DLGAP2: variants seen among roughly 807,000 people sequenced by gnomAD.
The protein encoded by DLGAP2 is disks large-associated protein 2.
DLGAP2 carries 26 observed loss-of-function variants against 100.3 expected under a neutral mutation model. The ratio of observed to expected loss-of-function variants is 0.26; its 90% CI spans 0.19 to 0.36. The LOEUF (loss-of-function observed/expected upper bound fraction) is 0.36, where lower values mean the gene tolerates loss of function less well. Among genes scored for constraint, DLGAP2 ranks in the 10% least tolerant of loss-of-function variants. The probability of loss-of-function intolerance (pLI) is 1.00; values close to 1 mark genes in which losing one functional copy is unlikely to be tolerated. For missense variants in DLGAP2, 1,858 were observed against 1,453.2 expected (o/e 1.28, Z -4.53); for synonymous variants, 886 against 630.1 (o/e 1.41, Z -6.08).
At chr8:1,019,751 A>C (rs961684974) in intron 2 of DLGAP2, 2 of 152,154 alleles carry the variant, frequency 1.3e-5, no homozygotes, top group African/African-American at 4.8e-5. Context: ...AGGTGTACCC[A>C]CTTCTGCCCT....
At chr8:833,158 G>A (rs774669632) in intron 1 of DLGAP2, among the ~76,000 whole-genome samples, 4 of 152,298 alleles carry the variant, frequency 2.6e-5, no homozygotes, top group African/African-American at 9.6e-5. Context: ...GATTAAGGCC[G>A]ATGTCTGAGA....
chr8:1,100,137 G>C (rs117891488), intron 2 of DLGAP2, among the ~76,000 whole-genome samples: 13,167 of 147,150 alleles, frequency 0.089, 529 homozygotes, highest in East Asian at 0.19. Flanking sequence ...GTAGGGAAAA[G>C]CTTTGTCCAG....
chr8:963,848 GATGACATTTAAAATTTTTGTGCA>G (rs1375712869), intron 2 of DLGAP2, among the ~76,000 whole-genome samples: 1 of 152,158 alleles, frequency 6.6e-6, no homozygotes, highest in Non-Finnish European at 1.5e-5. Flanking sequence ...TTGACAGCGG[GATGACATTTAAAATTTTTGTGCA>G]ATTAATACAA....
At chr8:1,645,577 A>G (rs1055007978) in intron 8 of DLGAP2, among the ~76,000 whole-genome samples, 1 of 152,240 alleles carries the variant, frequency 6.6e-6, no homozygotes, top group African/African-American at 2.4e-5. Flanking sequence ...AATATGGACT[A>G]TATGGAGTCA....
At chr8:980,369 C>CAA (rs1800294665) in intron 2 of DLGAP2, among the ~76,000 whole-genome samples, 1 of 152,180 alleles carries the variant, frequency 6.6e-6, no homozygotes. Context: ...ATTGCAAAAG[C>CAA]TCAGCAGTGC....
At chr8:1,174,972 G>T (rs1280965387) in intron 2 of DLGAP2, among the ~76,000 whole-genome samples, 2 of 151,838 alleles carry the variant, frequency 1.3e-5, no homozygotes, top group Non-Finnish European at 2.9e-5. Context: ...CCCCTTTCTA[G>T]TTCCCCCAAG....
chr8:1,339,231 C>T (rs1334013724), intron 3 of DLGAP2, among the ~76,000 whole-genome samples: 27 of 95,076 alleles, frequency 2.8e-4, no homozygotes, highest in Admixed American at 6.5e-4. Context: ...CGTCAGGACC[C>T]GGGAGGGAAT....
At chr8:1,280,887 C>A (rs1799801221) in intron 3 of DLGAP2, among the ~76,000 whole-genome samples, 1 of 152,206 alleles carries the variant, frequency 6.6e-6, no homozygotes, top group Non-Finnish European at 1.5e-5. Context: ...ATCACATTCA[C>A]CTATTACATG....
chr8:1,556,860 C>G (rs1439425784), intron 5 of DLGAP2, among the ~76,000 whole-genome samples: 1 of 152,220 alleles, frequency 6.6e-6, no homozygotes, highest in African/African-American at 2.4e-5. Context: ...ATTTGAGCAG[C>G]ATCGCGAAGA....
chr8:1,105,792 A>AG (rs1804740893), intron 2 of DLGAP2, among the ~76,000 whole-genome samples: 1 of 146,632 alleles, frequency 6.8e-6, no homozygotes, highest in Admixed American at 6.7e-5. Flanking sequence ...TTTTCTACTG[A>AG]GAGGAGCCAT....
At chr8:1,230,433 GC>G (rs777141407) in intron 2 of DLGAP2, among the ~76,000 whole-genome samples, 1 of 152,126 alleles carries the variant, frequency 6.6e-6, no homozygotes, top group Non-Finnish European at 1.5e-5. Context: ...TGGCTGTACT[GC>G]CCAAAGCGAT....
intron 2 of DLGAP2, among the ~76,000 whole-genome samples, chr8:1,254,659 G>C (rs1237727597): frequency 2.0e-5 from 3 of 151,578 alleles, no homozygotes; most frequent in Admixed American, 6.5e-5. Flanking sequence ...TTTTTTGTCT[G>C]TATGACTCAG....
At chr8:975,729 C>G (rs2134492) in intron 2 of DLGAP2, among the ~76,000 whole-genome samples, 59,355 of 152,028 alleles carry the variant, frequency 0.39, 12,500 homozygotes, top group Admixed American at 0.54. Flanking sequence ...GGGGAACTTC[C>G]TCAACTTGAT....
At chr8:1,096,459 G>GT (rs1278861467) in intron 2 of DLGAP2, among the ~76,000 whole-genome samples, 1 of 152,208 alleles carries the variant, frequency 6.6e-6, no homozygotes, top group Non-Finnish European at 1.5e-5. Flanking sequence ...ACCCCCCAGC[G>GT]TGAGAACTAC....
At position 1,526,055 on chromosome 8, in the gene DLGAP2, A is replaced by T. The variant is rs146304030; in HGVS notation, c.173-22571A>T. Among the ~76,000 whole-genome samples, 305 of 151,808 alleles carry T rather than the reference A, an allele frequency of 2.0e-3. 4 individuals are homozygous for T. The highest frequency in any genetic ancestry group is 7.0e-3 in the African/African-American group (290 of 41,366). Reference sequence around the variant, plus strand: ...CTCTGAACTCCAAAGCGCTCCAGTGAGCATTTCCTCTGAGCGTCACCGTGG... The same window carrying T: ...CTCTGAACTCCAAAGCGCTCCAGTGTGCATTTCCTCTGAGCGTCACCGTGG... On this transcript the variant is annotated intron_variant, in intron 4 of 14. Transcript: ENST00000637795.
Position 1,542,246 on chromosome 8 carries a change from T to C in DLGAP2, c.173-6380T>C, listed in dbSNP as rs559894635. On this transcript the variant is annotated intron_variant, in intron 4 of 14. Coordinates refer to ENST00000637795, the MANE Select transcript of DLGAP2 (RefSeq NM_001346810.2). Reference sequence around the variant, plus strand: ...GCGTGTATTTATTTTATTCGAGCTTTATGGGGATATAAGTCACACACCATA... The same window carrying C: ...GCGTGTATTTATTTTATTCGAGCTTCATGGGGATATAAGTCACACACCATA... Among the ~76,000 whole-genome samples the C allele has an allele frequency of 1.1e-4, 17 of 152,362 alleles. No homozygotes were observed. The East Asian group carries it at 2.1e-3, about 19-fold the overall frequency.
intron 3 of DLGAP2, among the ~76,000 whole-genome samples, chr8:1,492,300 C>T (rs991336395): frequency 2.0e-5 from 3 of 152,240 alleles, no homozygotes; most frequent in Admixed American, 1.3e-4. Context: ...CAATCAATGT[C>T]ATTGTCCTAA....
chr8:1,198,586 T>A (rs553963230), intron 2 of DLGAP2, among the ~76,000 whole-genome samples: 1 of 152,210 alleles, frequency 6.6e-6, no homozygotes, highest in African/African-American at 2.4e-5. Flanking sequence ...GCAGGTATGG[T>A]TTGCAGATGA....
At chr8:1,342,916 G>C (rs1801451955) in intron 3 of DLGAP2, among the ~76,000 whole-genome samples, 1 of 151,922 alleles carries the variant, frequency 6.6e-6, no homozygotes, top group Non-Finnish European at 1.5e-5. Context: ...GTGAGACCAG[G>C]TGCCAGGCAC....
Sources: allele counts gnomAD v4.1 joint callset (sites outside exome capture counted in the v4.1 genomes callset), GRCh38; gene constraint gnomAD v4.1.1; transcripts MANE v1.5; gene names NCBI Gene and HGNC (gene_info 2026-07-23, HGNC 2026-07-21).